Variants in GREB1L observed in about 807,000 individuals in gnomAD.
GREB1L encodes the protein GREB1-like protein.
In GREB1L, 17 loss-of-function variants were observed where a neutral mutation model predicts 200.8. The ratio of observed to expected loss-of-function variants is 0.08; its 90% CI spans 0.06 to 0.13. The LOEUF (loss-of-function observed/expected upper bound fraction) is 0.13. Among genes scored for constraint, GREB1L ranks in the 10% least tolerant of loss-of-function variants. The probability of loss-of-function intolerance (pLI) is 1.00; values close to 1 mark genes in which losing one functional copy is unlikely to be tolerated. For synonymous variants in GREB1L, 789 were observed against 893.0 expected, an observed-to-expected ratio of 0.88 and a Z score of 2.08; for missense variants, 1,657 against 2,367.7, an observed-to-expected ratio of 0.70 and a Z score of 6.23.
At position 21,490,259 on chromosome 18, in the gene GREB1L, G is replaced by T; in HGVS notation, c.2938G>T (p.Asp980Tyr). ...LAKERLQEVRDKLGLQYRFEI... is the reference protein window; with the variant it reads ...LAKERLQEVRYKLGLQYRFEI... Reference sequence around the variant, plus strand: ...CAAGGAGCGGCTACAGGAGGTGCGCGACAAACTGGGTCTGCAGTATCGGTT... The same window carrying T: ...CAAGGAGCGGCTACAGGAGGTGCGCTACAAACTGGGTCTGCAGTATCGGTT... The change falls in exon 19 of 33, where the codon GAC (aspartate) becomes TAC (tyrosine). Residue 980 changes from aspartate to tyrosine, a missense_variant. Coordinates refer to ENST00000424526, the MANE Select transcript of GREB1L (RefSeq NM_001142966.3). The T allele has an allele frequency of 6.4e-7, 1 of 1,551,698 alleles. No individual in the cohort carries two copies. Among genetic ancestry groups the T allele is most frequent in the East Asian group, 2.4e-5 (1 of 40,926 alleles).
At chr18:21,252,949 CTTTTA>C (rs895350419) in intron 1 of GREB1L, among the ~76,000 whole-genome samples, 2 of 152,218 alleles carry the variant, frequency 1.3e-5, no homozygotes, top group African/African-American at 4.8e-5. Flanking sequence ...GGGAGATTGA[CTTTTA>C]TTTTATTTCA....
chr18:21,381,866 C>T (rs1464025306), intron 2 of GREB1L, among the ~76,000 whole-genome samples: 3 of 152,126 alleles, frequency 2.0e-5, no homozygotes, highest in Admixed American at 6.5e-5. Context: ...GGAATGTAGA[C>T]ATGATGCTTT....
intron 1 of GREB1L, among the ~76,000 whole-genome samples, chr18:21,365,043 T>C (rs2039644861): frequency 6.6e-6 from 1 of 152,154 alleles, no homozygotes; most frequent in South Asian, 2.1e-4. Context: ...CCATTTTTAA[T>C]TATTATTTTG....
intron 7 of GREB1L, among the ~76,000 whole-genome samples, chr18:21,410,590 G>A (rs1217921427): frequency 1.3e-5 from 2 of 151,936 alleles, no homozygotes; most frequent in Non-Finnish European, 2.9e-5. Context: ...AGAAGGCAGA[G>A]GTTGCAGGGA....
chr18:21,444,338 G>C lies in GREB1L; in HGVS notation c.1322G>C (p.Gly441Ala), dbSNP rs1201583875. 1 of 1,552,226 alleles carries C rather than the reference G, an allele frequency of 6.4e-7. No individual in the cohort carries two copies. The highest frequency in any genetic ancestry group is 1.2e-5 in the South Asian group (1 of 84,054). ...QLENKDLEKL[G>A]LTGSQFLSVE... ...GAAAACAAAGATTTGGAAAAATTAGGGTTGACCGGCAGCCAATTTCTGAGC... is the reference window on the plus strand; with the variant it reads ...GAAAACAAAGATTTGGAAAAATTAGCGTTGACCGGCAGCCAATTTCTGAGC... The change falls in exon 11 of 33, where the codon GGG (glycine) becomes GCG (alanine). Residue 441 changes from glycine to alanine, a missense_variant. Gly to Ala is a moderately conservative substitution (Grantham distance 60). Coordinates refer to ENST00000424526, the MANE Select transcript of GREB1L (RefSeq NM_001142966.3).
chr18:21,522,004 C>CCAAAAAAAAAAAAA (rs2037609576), intron 32 of GREB1L, among the ~76,000 whole-genome samples: 1 of 30,984 alleles, frequency 3.2e-5, no homozygotes, highest in African/African-American at 1.2e-4. Flanking sequence ...ACTCCGTCTC[C>CCAAAAAAAAAAAAA]AAAAAAAAAA....
chr18:21,413,806 C>T (rs954465003), intron 7 of GREB1L, among the ~76,000 whole-genome samples: 1 of 152,120 alleles, frequency 6.6e-6, no homozygotes, highest in Non-Finnish European at 1.5e-5. Flanking sequence ...GAAAATGCAA[C>T]CCCTTAGTAA....
chr18:21,314,307 T>C (rs1239964501), intron 1 of GREB1L, among the ~76,000 whole-genome samples: 1 of 152,132 alleles, frequency 6.6e-6, no homozygotes, highest in Non-Finnish European at 1.5e-5. Flanking sequence ...GTTTAGGATA[T>C]AGTTTAGATA....
chr18:21,304,202 A>C (rs1197019706), intron 1 of GREB1L, among the ~76,000 whole-genome samples: 1 of 151,106 alleles, frequency 6.6e-6, no homozygotes, highest in Admixed American at 6.6e-5. Flanking sequence ...CTTACTTTCA[A>C]ATCTTCACTA....
intron 25 of GREB1L, among the ~76,000 whole-genome samples, chr18:21,506,300 C>T (rs1373759780): frequency 6.6e-6 from 1 of 151,614 alleles, no homozygotes; most frequent in Non-Finnish European, 1.5e-5. Flanking sequence ...GAGGCTGAGG[C>T]AGGAGAAATG....
At chr18:21,325,357 T>C (rs1474033703) in intron 1 of GREB1L, among the ~76,000 whole-genome samples, 2 of 152,182 alleles carry the variant, frequency 1.3e-5, no homozygotes, top group African/African-American at 4.8e-5. Flanking sequence ...ACCAAGTATC[T>C]GCTACATTTT....
chr18:21,509,324 C>A (rs1157806299), intron 27 of GREB1L, among the ~76,000 whole-genome samples: 1 of 152,236 alleles, frequency 6.6e-6, no homozygotes, highest in East Asian at 1.9e-4. Flanking sequence ...TCTGTCGGTG[C>A]CTCAGTGCCA....
chr18:21,316,593 C>A (rs928121676), intron 1 of GREB1L, among the ~76,000 whole-genome samples: 4 of 152,054 alleles, frequency 2.6e-5, no homozygotes, highest in African/African-American at 9.7e-5. Flanking sequence ...TCTGAGCTTG[C>A]CTTTTCCCAT....
In GREB1L at chr18:21,355,787, C is replaced by T. The variant is rs144918233; in HGVS notation, c.-119-10240C>T. Among the ~76,000 whole-genome samples, 8 of 152,188 alleles carry T rather than the reference C, an allele frequency of 5.3e-5. No individual in the cohort carries two copies. In the East Asian group the frequency reaches 1.2e-3, roughly 22 times the overall value. ...TTGACCCAGAGTTCTTTCTTTATGACATGGTTTAATGTGGTTCTTACTCAC... is the reference window on the plus strand; with the variant it reads ...TTGACCCAGAGTTCTTTCTTTATGATATGGTTTAATGTGGTTCTTACTCAC... On this transcript the variant is annotated intron_variant, in intron 1 of 32. Transcript: ENST00000424526.
intron 1 of GREB1L, among the ~76,000 whole-genome samples, chr18:21,250,190 C>T (rs1484330811): frequency 1.3e-5 from 2 of 152,096 alleles, no homozygotes; most frequent in Non-Finnish European, 2.9e-5. Context: ...GGGATTAGGT[C>T]AGAGAGGTAA....
intron 30 of GREB1L, 142 bp from the exon 31 acceptor site, chr18:21,517,892 T>C: frequency 1.5e-6 from 1 of 651,598 alleles, no homozygotes; most frequent in Non-Finnish European, 2.6e-6. Context: ...CAGGACCCTT[T>C]ACTAACATAC....
At chr18:21,376,543 G>A (rs1275983304) in intron 2 of GREB1L, among the ~76,000 whole-genome samples, 1 of 151,532 alleles carries the variant, frequency 6.6e-6, no homozygotes, top group Non-Finnish European at 1.5e-5. Context: ...AGTGGCTCAT[G>A]CCTGTAATCC....
rs1377868873 is a variant in GREB1L, at chr18:21,477,312, A to C, written c.2512A>C (p.Ile838Leu). ...PYTLQTQQSRISSSNEVHWIQ... is the reference protein window; with the variant it reads ...PYTLQTQQSRLSSSNEVHWIQ... ...CACTCTGCAGACCCAACAGTCCCGCATTAGCTCTAGCAATGAGGTTCACTG... is the reference window on the plus strand; with the variant it reads ...CACTCTGCAGACCCAACAGTCCCGCCTTAGCTCTAGCAATGAGGTTCACTG... The change falls in exon 17 of 33, where the codon ATT (isoleucine) becomes CTT (leucine). Residue 838 changes from isoleucine to leucine, a missense_variant. Physicochemically the swap from Ile to Leu is conservative, Grantham distance 5 (BLOSUM62 2). Transcript: ENST00000424526. The C allele has an allele frequency of 1.9e-6, 3 of 1,551,502 alleles. No individual in the cohort carries two copies. Among genetic ancestry groups the C allele is most frequent in the Admixed American group, 2.0e-5 (1 of 50,976 alleles).
chr18:21,247,570 C>G (rs547940682), intron 1 of GREB1L, among the ~76,000 whole-genome samples: 1 of 152,158 alleles, frequency 6.6e-6, no homozygotes, highest in Non-Finnish European at 1.5e-5. Flanking sequence ...CTGCTTGTTA[C>G]GGCTCTTCCA....
Sources: gnomAD v4.1 joint callset for allele counts (sites outside exome capture counted in the v4.1 genomes callset) on GRCh38, gnomAD v4.1.1 for gene constraint, MANE v1.5 for transcripts, NCBI Gene and HGNC (gene_info 2026-07-23, HGNC 2026-07-21) for gene names.